The following ZC3HC1 variants were observed in gnomAD, a reference collection of about 807,000 sequenced individuals.
ZC3HC1 encodes zinc finger C3HC-type containing 1, also known as zinc finger C3HC-type protein 1.
ZC3HC1 carries 38 observed loss-of-function variants against 61.9 expected under a neutral mutation model. The observed-to-expected ratio is 0.61, with a 90% CI of 0.47 to 0.81. ZC3HC1 has a LOEUF of 0.81. Among genes scored for constraint, ZC3HC1 ranks in the 30% least tolerant of loss-of-function variants. The pLI is 0.00. For missense variants in ZC3HC1, 554 were observed against 622.7 expected, an observed-to-expected ratio of 0.89 and a Z score of 1.17; for synonymous variants, 213 against 229.9, an observed-to-expected ratio of 0.93 and a Z score of 0.67.
chr7:130,041,777 T>C (rs1794685000), intron 2 of ZC3HC1, among the ~76,000 whole-genome samples: 1 of 152,136 alleles, frequency 6.6e-6, no homozygotes, highest in African/African-American at 2.4e-5. Context: ...TCCACCCACC[T>C]CGGCCTCCCA....
At chr7:130,049,001 A>G (rs1174637045) in intron 2 of ZC3HC1, 32 bp downstream of exon 2, 1 of 1,531,032 alleles carries the variant, frequency 6.5e-7, no homozygotes, top group Admixed American at 1.9e-5. Context: ...AGCAGGCAGA[A>G]AGTGCAATTC....
chr7:130,030,282 C>T (rs1276174805), intron 4 of ZC3HC1, among the ~76,000 whole-genome samples: 2 of 150,522 alleles, frequency 1.3e-5, no homozygotes, highest in Non-Finnish European at 2.9e-5. Flanking sequence ...TCACTGCAAC[C>T]TCTGCCTCCC....
chr7:130,029,169 A>G, intron 4 of ZC3HC1, 140 bp from the exon 5 acceptor site: 2 of 878,406 alleles, frequency 2.3e-6, no homozygotes, highest in Non-Finnish European at 3.2e-6. Flanking sequence ...TCAGGAGTTC[A>G]AGACCAACCT....
chr7:130,023,779 G>A lies in ZC3HC1; in HGVS notation c.1021-56C>T. The stretch of plus-strand genomic sequence containing the variant: ...CGAATGATATTAATGATTATGGTCA[G>A]AAATACTTCTTTCTTTAATCTTTTT... On this transcript the variant is annotated intron_variant, in intron 7 of 9. Coordinates refer to ENST00000358303, the MANE Select transcript of ZC3HC1 (RefSeq NM_016478.5). This position sits in a 1 kb window ranked among gnomAD's most constrained non-coding sequence, Gnocchi z 4.2. 3 of 1,360,810 alleles carry A rather than the reference G, an allele frequency of 2.2e-6. No individual in the cohort carries two copies. Among genetic ancestry groups the A allele is most frequent in the Admixed American group, 2.2e-5 (1 of 45,066 alleles). The allele number at this position is 1,360,810 out of a possible 1,614,324, so 84.3% of individuals were successfully genotyped here.
At chr7:130,045,874 G>A (rs1186808197) in intron 2 of ZC3HC1, among the ~76,000 whole-genome samples, 5 of 126,524 alleles carry the variant, frequency 4.0e-5, no homozygotes, top group Admixed American at 1.9e-4. Flanking sequence ...CTGGGTGGCA[G>A]AGTAAGACTC....
chr7:130,041,112 T>C lies in ZC3HC1; in HGVS notation c.259-11A>G, dbSNP rs374042279. On this transcript the variant is annotated splice_polypyrimidine_tract_variant and intron_variant, in intron 2 of 9. Transcript: ENST00000358303. ...TGCCCATTTCAAAGAGTATCCATGT[T>C]AAGAAAAACAACACAGCAAATATAT... 1.2e-6 allele frequency: 2 copies of C among 1,608,366 alleles called. No homozygotes were observed. The highest frequency in any genetic ancestry group is 2.7e-5 in the African/African-American group (2 of 74,378).
intron 7 of ZC3HC1, 70 bp downstream of exon 7, chr7:130,024,193 A>G: frequency 3.3e-6 from 5 of 1,522,242 alleles, no homozygotes; most frequent in South Asian, 1.3e-5. Context: ...TTAATTTCCA[A>G]CTTTCTACCA....
Position 130,034,122 on chromosome 7 carries a change from T to C in ZC3HC1, c.494-5093A>G, listed in dbSNP as rs112565032. ...ATTTTAACACCTTGAGTTTATAATTTATTTTCCCAATTTAATGCCGCATAT... is the reference window on the plus strand; with the variant it reads ...ATTTTAACACCTTGAGTTTATAATTCATTTTCCCAATTTAATGCCGCATAT... On this transcript the variant is annotated intron_variant, in intron 4 of 9. Transcript: ENST00000358303. Among the ~76,000 whole-genome samples, 833 of 152,248 alleles carry C rather than the reference T, an allele frequency of 5.5e-3. 7 individuals carry two copies. Among genetic ancestry groups the C allele is most frequent in the African/African-American group, 0.019 (780 of 41,554 alleles).
In ZC3HC1 at chr7:130,024,267, TC is replaced by T; in HGVS notation, c.1015del (p.Glu339SerfsTer40). The T allele has an allele frequency of 6.2e-7, 1 of 1,607,958 alleles. No individual in the cohort carries two copies. The highest frequency in any genetic ancestry group is 8.5e-7 in the Non-Finnish European group (1 of 1,176,210). On this transcript the variant is annotated frameshift_variant, in exon 7 of 10. Coordinates refer to ENST00000358303, the MANE Select transcript of ZC3HC1 (RefSeq NM_016478.5). LOFTEE classifies it high-confidence loss of function. ...CCAAATAAGCTAAGTGAATACCTGC[TC>T]TGAGCCTGGGGAGAAAGTGGCATCC... is the stretch of plus-strand genomic sequence containing the variant. ...SQDATFSPGS[E>X]QAEKSPGPIV...
At position 130,031,921 on chromosome 7, in the gene ZC3HC1, C is replaced by T. The variant is rs1434968532; in HGVS notation, c.494-2892G>A. Among the ~76,000 whole-genome samples, 5 of 152,110 alleles carry T rather than the reference C, an allele frequency of 3.3e-5. No individual in the cohort carries two copies. The South Asian group carries it at 1.0e-3, about 31-fold the overall frequency. On this transcript the variant is annotated intron_variant, in intron 4 of 9. Coordinates refer to ENST00000358303, the MANE Select transcript of ZC3HC1 (RefSeq NM_016478.5). Reference sequence around the variant, plus strand: ...GCATTTAAAGAAATCTCTGTCCAATCGTCCTGTGAAAGTTGATTTTGAGGC... The same window carrying T: ...GCATTTAAAGAAATCTCTGTCCAATTGTCCTGTGAAAGTTGATTTTGAGGC...
Position 130,045,283 on chromosome 7 carries a change from TAAA to T in ZC3HC1, c.258+3747_258+3749del, listed in dbSNP as rs1794818593. Reference sequence around the variant, plus strand: ...GCAACCTTTCTGTAAGTCTGTAATTTAAAAATTTTTAAGAATCACTGTAAAAAA... The same window carrying T: ...GCAACCTTTCTGTAAGTCTGTAATTTAATTTTTAAGAATCACTGTAAAAAA... On this transcript the variant is annotated intron_variant, in intron 2 of 9. Transcript: ENST00000358303. 3 of 234,676 alleles carry T rather than the reference TAAA, an allele frequency of 1.3e-5. No homozygotes were observed. In the South Asian group the frequency reaches 1.6e-4, roughly 12 times the overall value. The allele number at this position is 234,676 out of a possible 1,614,324, so 14.5% of individuals were successfully genotyped here.
chr7:130,034,676 T>C (rs1188080104), intron 4 of ZC3HC1, among the ~76,000 whole-genome samples: 2 of 151,914 alleles, frequency 1.3e-5, no homozygotes, highest in Non-Finnish European at 2.9e-5. Context: ...TAAAAAATTT[T>C]TTCTTTGTAG....
In ZC3HC1 at chr7:130,046,815, G is replaced by C. The variant is rs151062408; in HGVS notation, c.258+2218C>G. ...AGTATAAGTTTTTTTTTGAGACGGA[G>C]TCTTCTCTGCCACCCAGGCTGCAGT... is the stretch of plus-strand genomic sequence containing the variant. On this transcript the variant is annotated intron_variant, in intron 2 of 9. Transcript: ENST00000358303. Among the ~76,000 whole-genome samples the C allele has an allele frequency of 7.4e-3, 1,127 of 152,222 alleles. 13 individuals carry two copies. The highest frequency in any genetic ancestry group is 0.026 in the African/African-American group (1,073 of 41,536).
At chr7:130,025,033 G>A (rs1793836503) in intron 6 of ZC3HC1, among the ~76,000 whole-genome samples, 1 of 148,658 alleles carries the variant, frequency 6.7e-6, no homozygotes, top group South Asian at 2.2e-4. Context: ...AGCCTCCTGA[G>A]TAGCTGGGAT....
intron 2 of ZC3HC1, 146 bp from the exon 3 acceptor site, chr7:130,041,247 G>T: frequency 2.3e-6 from 2 of 888,548 alleles, no homozygotes; most frequent in Non-Finnish European, 3.2e-6. Flanking sequence ...GAGTGCAGTG[G>T]CACGATCTAA....
Position 130,023,392 on chromosome 7 carries a change from A to C in ZC3HC1, c.1233+119T>G. 1.0e-6 allele frequency: 1 copy of C among 971,396 alleles called. No homozygotes were observed. Among genetic ancestry groups the C allele is most frequent in the Non-Finnish European group, 1.5e-6 (1 of 649,944 alleles). The allele number at this position is 971,396 out of a possible 1,614,324, so 60.2% of individuals were successfully genotyped here. On this transcript the variant is annotated intron_variant, in intron 8 of 9. Coordinates refer to ENST00000358303, the MANE Select transcript of ZC3HC1 (RefSeq NM_016478.5). The surrounding 1 kb of genome is among the most constrained non-coding windows in gnomAD (Gnocchi z 4.2). ...TGGTCATCCAACTTTAAATTTATTC[A>C]CATGGTCTACTTTTTGCATTGGACC...
chr7:130,019,054 CTTTT>C (rs397746688), intron 9 of ZC3HC1, among the ~76,000 whole-genome samples: 5 of 132,968 alleles, frequency 3.8e-5, no homozygotes. Flanking sequence ...ACTGGTTTTT[CTTTT>C]TTTTTTTTTT....
At position 130,023,700 on chromosome 7, in the gene ZC3HC1, A is replaced by G; in HGVS notation, c.1044T>C (p.Ile348=). The stretch of plus-strand genomic sequence containing the variant: ...AGTCCCAGCTCCGAGTTCGAGAGAC[A>G]ATGGGACCAGGGCTCTTTTCAGCCT... ...SEQAEKSPGP[I]VSRTRSWDSS... The change falls in exon 8 of 10, where the codon ATT becomes ATC. Residue 348 remains isoleucine, a synonymous_variant. Coordinates refer to ENST00000358303, the MANE Select transcript of ZC3HC1 (RefSeq NM_016478.5). The surrounding 1 kb of genome is among the most constrained non-coding windows in gnomAD (Gnocchi z 4.2). 6.2e-7 allele frequency: 1 copy of G among 1,614,212 alleles called. No individual in the cohort carries two copies. The highest frequency in any genetic ancestry group is 2.2e-5 in the East Asian group (1 of 44,888).
chr7:130,021,439 A>G (rs917627290), intron 9 of ZC3HC1, among the ~76,000 whole-genome samples: 63 of 152,318 alleles, frequency 4.1e-4, no homozygotes, highest in African/African-American at 1.3e-3. Flanking sequence ...TACCCAGCCT[A>G]TCACTTCCAA....
Sources: allele counts gnomAD v4.1 joint callset (sites outside exome capture counted in the v4.1 genomes callset), GRCh38; gene constraint gnomAD v4.1.1; non-coding constraint Gnocchi (gnomAD v3.1); transcripts MANE v1.5; gene names NCBI Gene and HGNC (gene_info 2026-07-23, HGNC 2026-07-21).